The following GGA2 variants were observed in gnomAD, a reference collection of about 807,000 sequenced individuals.
GGA2 encodes golgi associated, gamma adaptin ear containing, ARF binding protein 2.
In GGA2, 48 loss-of-function variants were observed where a neutral mutation model predicts 79.5. The observed-to-expected ratio is 0.60, with a 90% CI of 0.48 to 0.77. The LOEUF (loss-of-function observed/expected upper bound fraction) is 0.77. Among genes scored for constraint, GGA2 ranks in the 30% least tolerant of loss-of-function variants. The pLI is 0.00. For missense variants in GGA2, 770 were observed against 774.0 expected, an observed-to-expected ratio of 0.99 and a Z score of 0.06; for synonymous variants, 317 against 302.0, an observed-to-expected ratio of 1.05 and a Z score of -0.51.
chr16:23,495,059 T>C (rs2142134554), intron 2 of GGA2, among the ~76,000 whole-genome samples: 1 of 150,784 alleles, frequency 6.6e-6, no homozygotes, highest in African/African-American at 2.4e-5. Flanking sequence ...CACTCCAGTC[T>C]TGAGACACTC....
Position 23,483,022 on chromosome 16 carries a change from GGT to G in GGA2, c.799-20_799-19del, listed in dbSNP as rs1207402677. The stretch of plus-strand genomic sequence containing the variant: ...TACACGACCTGAAAGAGCAGAGCTT[GGT>G]TCATGACACACGCCCAGGCACCCCA... On this transcript the variant is annotated intron_variant, in intron 8 of 16. Transcript: ENST00000309859. 6.4e-7 allele frequency: 1 copy of G among 1,568,168 alleles called. No individual in the cohort carries two copies. The highest frequency in any genetic ancestry group is 8.8e-7 in the Non-Finnish European group (1 of 1,138,458).
At chr16:23,471,068 C>T (rs200101723) in intron 14 of GGA2, among the ~76,000 whole-genome samples, 11 of 151,960 alleles carry the variant, frequency 7.2e-5, no homozygotes, top group African/African-American at 1.2e-4. Flanking sequence ...CTCAAACTCC[C>T]GACCTCAGGT....
chr16:23,509,448 A>G (rs1316069380), intron 1 of GGA2, among the ~76,000 whole-genome samples: 2 of 152,114 alleles, frequency 1.3e-5, no homozygotes, highest in Non-Finnish European at 2.9e-5. Context: ...CTCCTCGCCA[A>G]TCCCGTTAGT....
At chr16:23,495,917 A>C (rs1255814798) in intron 1 of GGA2, 139 bp from the exon 2 acceptor site, 3 of 551,330 alleles carry the variant, frequency 5.4e-6, no homozygotes, top group Non-Finnish European at 9.8e-6. Context: ...AAGGAGAGGA[A>C]TTGTGCCTGC....
intron 1 of GGA2, among the ~76,000 whole-genome samples, chr16:23,503,196 C>T (rs573275617): frequency 1.3e-5 from 2 of 152,274 alleles, no homozygotes; most frequent in African/African-American, 2.4e-5. Context: ...ATCCCACTGT[C>T]GATTTGCGAT....
In GGA2 at chr16:23,474,830, G is replaced by A. The variant is rs903912223; in HGVS notation, c.1450+74C>T. 14 of 1,110,364 alleles carry A rather than the reference G, an allele frequency of 1.3e-5. No individual in the cohort carries two copies. The African/African-American group carries it at 2.2e-4, about 17-fold the overall frequency. The allele number at this position is 1,110,364 out of a possible 1,614,324, so 68.8% of individuals were successfully genotyped here. A position where few individuals can be genotyped will look rare whatever the true frequency, so the allele number is the denominator to read the frequency against. On this transcript the variant is annotated intron_variant, in intron 14 of 16. Transcript: ENST00000309859. ...TTTAAGGGCCACCTCTATCAAACTG[G>A]AGTGGAAAAAGCTGGGAGTCTAATA... is the stretch of plus-strand genomic sequence containing the variant.
chr16:23,479,083 G>C (rs763726112), intron 11 of GGA2, 172 bp from the exon 12 acceptor site: 6 of 642,586 alleles, frequency 9.3e-6, no homozygotes, highest in Admixed American at 8.9e-5. Context: ...ATGCAAGGGG[G>C]ACCCTCTGAA....
upstream of GGA2, among the ~76,000 whole-genome samples, chr16:23,512,301 A>G (rs1965076200): frequency 6.6e-6 from 1 of 152,174 alleles, no homozygotes; most frequent in Admixed American, 6.5e-5. Context: ...ACCTCAATTT[A>G]ACCCCAAAGG....
chr16:23,478,964 G>T, intron 11 of GGA2, 53 bp from the exon 12 acceptor site: 2 of 1,246,214 alleles, frequency 1.6e-6, no homozygotes, highest in Non-Finnish European at 2.4e-6. Context: ...CCTGCTTCCA[G>T]ATGAAGAGTA....
chr16:23,512,162 T>A (rs1296540245), upstream of GGA2, among the ~76,000 whole-genome samples: 1 of 152,208 alleles, frequency 6.6e-6, no homozygotes, highest in East Asian at 1.9e-4. Flanking sequence ...GAGGCAGGTT[T>A]ACTGAGGGGA....
chr16:23,483,082 G>C (rs903304657), intron 8 of GGA2, 78 bp from the exon 9 acceptor site: 3 of 868,262 alleles, frequency 3.5e-6, no homozygotes, highest in Admixed American at 1.9e-5. Context: ...AGGAGCCTTC[G>C]ATCAGGCAGA....
chr16:23,471,484 C>T (rs578179794), intron 14 of GGA2, among the ~76,000 whole-genome samples: 39 of 152,078 alleles, frequency 2.6e-4, no homozygotes, highest in Non-Finnish European at 4.7e-4. Flanking sequence ...ACGTGTGGAA[C>T]AGATCTAAAT....
Position 23,497,020 on chromosome 16 carries a change from A to C in GGA2, c.92-1242T>G, listed in dbSNP as rs573011908. ...TGACTGTAGTCACAGCTACTCAGGA[A>C]GCTGAAGTGGAAAGACTGCGGCTGC... On this transcript the variant is annotated intron_variant, in intron 1 of 16. Transcript: ENST00000309859. Among the ~76,000 whole-genome samples, 3 of 67,854 alleles carry C rather than the reference A, an allele frequency of 4.4e-5. No homozygotes were observed. The South Asian group carries it at 1.3e-3, about 30-fold the overall frequency. The allele number at this position is 67,854 out of a possible 152,430, so 44.5% of individuals were successfully genotyped here.
intron 15 of GGA2, chr16:23,469,354 A>G (rs1964481985): frequency 4.5e-6 from 1 of 224,120 alleles, no homozygotes; most frequent in Non-Finnish European, 9.4e-6. Context: ...GGGTTAACTT[A>G]TAAAACAGAG....
chr16:23,475,582 TG>T (rs1964567160), intron 13 of GGA2, among the ~76,000 whole-genome samples: 1 of 151,800 alleles, frequency 6.6e-6, no homozygotes. Context: ...CTAGGGCTAC[TG>T]TAAGAATCAA....
In GGA2 at chr16:23,474,925, G is replaced by A. The variant is rs754805524; in HGVS notation, c.1429C>T (p.Pro477Ser). The change falls in exon 14 of 17, where the codon CCT (proline) becomes TCT (serine). Residue 477 changes from proline to serine, a missense_variant. Pro to Ser is a moderately conservative substitution (Grantham distance 74). Transcript: ENST00000309859. ...QNTPLAQVFV[P>S]LESVKPSSLP... ...TTACTGGGCTTAACAGACTCCAAAG[G>A]GACAAACACTTGAGCCAGAGGTGTA... is the stretch of plus-strand genomic sequence containing the variant. 41 of 1,612,990 alleles carry A rather than the reference G, an allele frequency of 2.5e-5. No individual in the cohort carries two copies. Among genetic ancestry groups the A allele is most frequent in the Admixed American group, 1.7e-5 (1 of 59,972 alleles).
chr16:23,479,829 G>A lies in GGA2; in HGVS notation c.1065C>T (p.Asp355=), dbSNP rs550337098. 19 of 1,613,962 alleles carry A rather than the reference G, an allele frequency of 1.2e-5. No individual in the cohort carries two copies. The South Asian group carries it at 1.9e-4, about 16-fold the overall frequency. Residue 355 remains aspartate (D), a synonymous_variant, in exon 11 of 17, where the codon GAC becomes GAT. Coordinates refer to ENST00000309859, the MANE Select transcript of GGA2 (RefSeq NM_015044.4). ...CAGTCCCCATCTGCGCAGGTCCATT[G>A]TCCACCTCCAAGTCAATCAGGGGGC... ...KTCPLIDLEV[D]NGPAQMGTVV...
chr16:23,493,619 T>A (rs1270741745), intron 3 of GGA2, 161 bp from the exon 4 acceptor site: 1 of 600,586 alleles, frequency 1.7e-6, no homozygotes, highest in South Asian at 2.0e-5. Flanking sequence ...CGTTTTCAGA[T>A]CAAGAAAAAA....
intron 13 of GGA2, 48 bp from the exon 14 acceptor site, chr16:23,475,109 TTCC>T: frequency 7.9e-7 from 1 of 1,258,766 alleles, no homozygotes; most frequent in Non-Finnish European, 1.1e-6. Flanking sequence ...TTGTAGCGAT[TTCC>T]TGGAATCTGG....
Sources: allele counts gnomAD v4.1 joint callset (sites outside exome capture counted in the v4.1 genomes callset), GRCh38; gene constraint gnomAD v4.1.1; transcripts MANE v1.5; gene names NCBI Gene and HGNC (gene_info 2026-07-23, HGNC 2026-07-21).